Variants in AEBP1 observed in about 807,000 individuals in gnomAD.
The protein encoded by AEBP1 is AE binding protein 1, also known as adipocyte enhancer-binding protein 1.
AEBP1 carries 69 observed loss-of-function variants against 116.5 expected under a neutral mutation model. That is an observed-to-expected ratio of 0.59 (90% CI 0.49 to 0.72). The LOEUF is 0.72. AEBP1 is among the 30% of genes least tolerant of loss of function. AEBP1 has a pLI of 0.00. For synonymous variants in AEBP1, 627 were observed against 627.3 expected (o/e 1.00, Z 0.01); for missense variants, 1,444 against 1,557.5 (o/e 0.93, Z 1.23).
chr7:44,112,271 C>T lies in AEBP1; in HGVS notation c.2167C>T (p.Pro723Ser), dbSNP rs747502818. Residue 723 changes from proline to serine, a missense_variant, in exon 17 of 21, where the codon CCC becomes TCC. Transcript: ENST00000223357. The surrounding 1 kb of genome is among the most constrained non-coding windows in gnomAD (Gnocchi z 6.6). ...EERKWVPYRVPNNNLPIPERY... is the reference protein window; with the variant it reads ...EERKWVPYRVSNNNLPIPERY... Reference sequence around the variant, plus strand: ...GAGGAAATGGGTCCCCTACCGGGTCCCCAACAATAACTTGCCCATCCCTGA... The same window carrying T: ...GAGGAAATGGGTCCCCTACCGGGTCTCCAACAATAACTTGCCCATCCCTGA... 11 of 1,589,756 alleles carry T rather than the reference C, an allele frequency of 6.9e-6. 1 individual carries two copies. Among genetic ancestry groups the T allele is most frequent in the Non-Finnish European group, 8.6e-6 (10 of 1,165,188 alleles).
In AEBP1 at chr7:44,113,600, G is replaced by A; in HGVS notation, c.2816G>A (p.Gly939Asp). ...GATCGTTCTCCCTCCGCAGCCAGTG[G>A]TGGTGATTACTGGCGAATCTTGAAC... is the stretch of plus-strand genomic sequence containing the variant. ...GINHGVKTAS[G>D]GDYWRILNPG... The change falls in exon 21 of 21, where the codon GGT becomes GAT. Residue 939 changes from glycine to aspartate, a missense_variant. Coordinates refer to ENST00000223357, the MANE Select transcript of AEBP1 (RefSeq NM_001129.5). The surrounding 1 kb of genome is among the most constrained non-coding windows in gnomAD (Gnocchi z 5.3). 6.2e-7 allele frequency: 1 copy of A among 1,610,618 alleles called. No individual in the cohort carries two copies. Among genetic ancestry groups the A allele is most frequent in the Non-Finnish European group, 8.5e-7 (1 of 1,179,228 alleles).
Position 44,111,044 on chromosome 7 carries a change from G to GTGCT in AEBP1, c.1618_1621dup (p.Ser541LeufsTer14). On this transcript the variant is annotated frameshift_variant, in exon 13 of 21. Coordinates refer to ENST00000223357, the MANE Select transcript of AEBP1 (RefSeq NM_001129.5). LOFTEE classifies it high-confidence loss of function. This position sits in a 1 kb window ranked among gnomAD's most constrained non-coding sequence, Gnocchi z 4.7. The stretch of plus-strand genomic sequence containing the variant: ...TGTGCATGCGCCTGGAGGTGCTGGG[G>GTGCT]TGCTCTGTGGCCCGTGAGTGTGGAG... 1 of 1,611,116 alleles carries GTGCT rather than the reference G, an allele frequency of 6.2e-7. No individual in the cohort carries two copies. The highest frequency in any genetic ancestry group is 8.5e-7 in the Non-Finnish European group (1 of 1,178,090).
Position 44,107,521 on chromosome 7 carries a change from G to C in AEBP1, c.667+11G>C. ...GGGAGCACCAGCCTGGTGAGTGGCC[G>C]TCATCCGCCTGGCCTTGGGGCCAGC... On this transcript the variant is annotated intron_variant, in intron 3 of 20. Transcript: ENST00000223357. This position sits in a 1 kb window ranked among gnomAD's most constrained non-coding sequence, Gnocchi z 4.3. 5 of 1,613,418 alleles carry C rather than the reference G, an allele frequency of 3.1e-6. No homozygotes were observed. Among genetic ancestry groups the C allele is most frequent in the Non-Finnish European group, 4.2e-6 (5 of 1,179,936 alleles).
rs1343690549 is a variant in AEBP1, at chr7:44,111,616, G to C, written c.1826G>C (p.Gly609Ala). 1.2e-6 allele frequency: 2 copies of C among 1,613,050 alleles called. No individual in the cohort carries two copies. Among genetic ancestry groups the C allele is most frequent in the Admixed American group, 3.3e-5 (2 of 59,708 alleles). Residue 609 changes from glycine (G) to alanine (A), a missense_variant, in exon 15 of 21, where the codon GGG becomes GCG. Gly to Ala is a moderately conservative substitution (Grantham distance 60, BLOSUM62 0). Transcript: ENST00000223357. This position sits in a 1 kb window ranked among gnomAD's most constrained non-coding sequence, Gnocchi z 4.7. ...GCCATGGAGATCTCAGACAACCCTG[G>C]GGAGCATGAACTGGGTGAGGGTCTG... ...IYAMEISDNP[G>A]EHELGEPEFR...
At chr7:44,110,483 C>A (rs1347909303) in intron 11 of AEBP1, 137 bp downstream of exon 11, 11 of 1,303,050 alleles carry the variant, frequency 8.4e-6, no homozygotes, top group Non-Finnish European at 9.5e-6. Context: ...GAGGGACTCA[C>A]CCTGCCCATC....
chr7:44,104,952 G>C (rs530069122), intron 1 of AEBP1, 34 bp downstream of exon 1: 2 of 1,484,276 alleles, frequency 1.3e-6, no homozygotes, highest in African/African-American at 2.8e-5. Flanking sequence ...GGTGTGGGGG[G>C]CTGGCATCTC....
rs548303343 is a variant in AEBP1 at position 44,104,442 on chromosome 7, G to T, written c.-224G>T. The T allele has an allele frequency of 2.4e-4, 98 of 402,114 alleles. No individual in the cohort carries two copies. The East Asian group carries it at 3.5e-3, about 14-fold the overall frequency. The allele number at this position is 402,114 out of a possible 1,614,324, so 24.9% of individuals were successfully genotyped here. A position where few individuals can be genotyped will look rare whatever the true frequency, so the allele number is the denominator to read the frequency against. ...ACCTCGGAGCGCCCCGACCACCCCT[G>T]AGCCCCTCTGGCTTCGGAGCCCCCC... On this transcript the variant is annotated 5_prime_UTR_variant, in exon 1 of 21. Coordinates refer to ENST00000223357, the MANE Select transcript of AEBP1 (RefSeq NM_001129.5).
chr7:44,105,236 T>G (rs1229022821), intron 1 of AEBP1, among the ~76,000 whole-genome samples: 73 of 152,328 alleles, frequency 4.8e-4, no homozygotes, highest in Non-Finnish European at 1.5e-4. Context: ...CAGGGGACTG[T>G]GCTGTGTCAC....
Position 44,110,742 on chromosome 7 carries a change from C to T in AEBP1, c.1418C>T (p.Thr473Ile), listed in dbSNP as rs139397017. The change falls in exon 12 of 21, where the codon ACC (threonine) becomes ATC (isoleucine). Residue 473 changes from threonine (T) to isoleucine (I), a missense_variant. By Grantham distance (89) the Thr-to-Ile change is moderately conservative. Transcript: ENST00000223357. ...DSSIHDDFVTTFFVGFSNDSQ... is the reference protein window; with the variant it reads ...DSSIHDDFVTIFFVGFSNDSQ... ...CTCCACAGTGACGATTTTGTGACCA[C>T]CTTCTTCGTGGGCTTCAGCAATGAC... The T allele has an allele frequency of 6.6e-7, 1 of 1,524,332 alleles. No individual in the cohort carries two copies. The highest frequency in any genetic ancestry group is 8.8e-7 in the Non-Finnish European group (1 of 1,135,170). The allele number at this position is 1,524,332 out of a possible 1,614,324, so 94.4% of individuals were successfully genotyped here. A position where few individuals can be genotyped will look rare whatever the true frequency, so the allele number is the denominator to read the frequency against.
Position 44,107,836 on chromosome 7 carries a change from C to A in AEBP1, c.767C>A (p.Pro256His). The A allele has an allele frequency of 1.2e-6, 2 of 1,611,482 alleles. No homozygotes were observed. Among genetic ancestry groups the A allele is most frequent in the Non-Finnish European group, 1.7e-6 (2 of 1,179,370 alleles). ...GAGTACATTCGGCGCCAGAAGCAAC[C>A]CAGGCCACCCCCAAGCAGAAGGAGG... ...DFEYIRRQKQ[P>H]RPPPSRRRRP... Residue 256 changes from proline to histidine, a missense_variant, in exon 5 of 21, where the codon CCC becomes CAC. Physicochemically the swap from Pro to His is moderately conservative, Grantham distance 77. Transcript: ENST00000223357. The surrounding 1 kb of genome is among the most constrained non-coding windows in gnomAD (Gnocchi z 4.3).
rs1172223957 is a variant in AEBP1 at position 44,108,290 on chromosome 7, T to A, written c.940+206T>A. Among the ~76,000 whole-genome samples, 1 of 152,072 alleles carries A rather than the reference T, an allele frequency of 6.6e-6. No homozygotes were observed. Among genetic ancestry groups the A allele is most frequent in the Admixed American group, 6.5e-5 (1 of 15,284 alleles). ...CTCAGGCTGGTCTTTCCTTGGCCGC[T>A]TCCCTGGTTCCTGCTTGGCTGTGAC... On this transcript the variant is annotated intron_variant, in intron 6 of 20. Coordinates refer to ENST00000223357, the MANE Select transcript of AEBP1 (RefSeq NM_001129.5). The surrounding 1 kb of genome is among the most constrained non-coding windows in gnomAD (Gnocchi z 5.0).
intron 1 of AEBP1, chr7:44,106,241 G>A (rs1271670757): frequency 1.8e-6 from 1 of 563,528 alleles, no homozygotes; most frequent in South Asian, 1.5e-5. Context: ...GGAGTGGATA[G>A]TAAGGAACCC....
In AEBP1 at chr7:44,112,818, G is replaced by C. The variant is rs767212365; in HGVS notation, c.2478G>C (p.Leu826Phe). 6.2e-7 allele frequency: 1 copy of C among 1,612,288 alleles called. No individual in the cohort carries two copies. The highest frequency in any genetic ancestry group is 1.1e-5 in the South Asian group (1 of 91,074). ...AISFASAHLT[L>F]TEPYRGGCQA... is the part of the protein sequence containing the mutation. Reference sequence around the variant, plus strand: ...CCTTCGCCTCCGCACACCTCACCTTGACCGAGCCCTACCGCGGAGGCTGCC... The same window carrying C: ...CCTTCGCCTCCGCACACCTCACCTTCACCGAGCCCTACCGCGGAGGCTGCC... The change falls in exon 18 of 21, where the codon TTG (leucine) becomes TTC (phenylalanine). Residue 826 changes from leucine (L) to phenylalanine (F), a missense_variant. Physicochemically the swap from Leu to Phe is conservative, Grantham distance 22. Coordinates refer to ENST00000223357, the MANE Select transcript of AEBP1 (RefSeq NM_001129.5). This position sits in a 1 kb window ranked among gnomAD's most constrained non-coding sequence, Gnocchi z 6.6.
Position 44,114,045 on chromosome 7 carries a change from A to G in AEBP1, c.3261A>G (p.Thr1087=). The part of the protein sequence containing the change: ...GWEESETETY[T]EVVTEFGTEV... Reference sequence around the variant, plus strand: ...AGGAGTCGGAGACTGAGACCTACACAGAGGTGGTGACAGAGTTTGGGACCG... The same window carrying G: ...AGGAGTCGGAGACTGAGACCTACACGGAGGTGGTGACAGAGTTTGGGACCG... Residue 1087 remains threonine, a synonymous_variant, in exon 21 of 21, where the codon ACA becomes ACG. Transcript: ENST00000223357. The G allele has an allele frequency of 6.2e-7, 1 of 1,614,108 alleles. No homozygotes were observed. Among genetic ancestry groups the G allele is most frequent in the Non-Finnish European group, 8.5e-7 (1 of 1,180,014 alleles).
chr7:44,104,815 G>A lies in AEBP1; in HGVS notation c.150G>A (p.Arg50=), dbSNP rs1287278787. 6.2e-7 allele frequency: 1 copy of A among 1,605,284 alleles called. No individual in the cohort carries two copies. The highest frequency in any genetic ancestry group is 1.7e-5 in the Admixed American group (1 of 59,234). Residue 50 remains arginine, a synonymous_variant, in exon 1 of 21, where the codon CGG becomes CGA. Transcript: ENST00000223357. ...TGTCAGAGCTAGAACCTGAGCCCCG[G>A]GAGGACGACGTGGAGGCCCCGCCGC... ...GFLSELEPEP[R]EDDVEAPPPP...
In AEBP1 at chr7:44,111,405, A is replaced by C. The variant is rs546006141; in HGVS notation, c.1717-102A>C. ...TACCTGGGGGCTGCGTGAAGGGGTC[A>C]TGCCCGTCCCTCGCCATAGAGCAGG... is the stretch of plus-strand genomic sequence containing the variant. On this transcript the variant is annotated intron_variant, in intron 14 of 20. Transcript: ENST00000223357. The surrounding 1 kb of genome is among the most constrained non-coding windows in gnomAD (Gnocchi z 4.7). 4.2e-3 allele frequency: 6,161 copies of C among 1,462,050 alleles called. 21 individuals carry two copies. Among genetic ancestry groups the C allele is most frequent in the Non-Finnish European group, 5.3e-3 (5,830 of 1,101,632 alleles). 90.6% of individuals were successfully genotyped at this position (1,462,050 alleles called of 1,614,324 possible).
At position 44,107,842 on chromosome 7, in the gene AEBP1, C is replaced by T; in HGVS notation, c.773C>T (p.Pro258Leu). ...ATTCGGCGCCAGAAGCAACCCAGGC[C>T]ACCCCCAAGCAGAAGGAGGAGGCCC... ...EYIRRQKQPRPPPSRRRRPER... is the reference protein window; with the variant it reads ...EYIRRQKQPRLPPSRRRRPER... Residue 258 changes from proline (P) to leucine (L), a missense_variant, in exon 5 of 21, where the codon CCA becomes CTA. Coordinates refer to ENST00000223357, the MANE Select transcript of AEBP1 (RefSeq NM_001129.5). The surrounding 1 kb of genome is among the most constrained non-coding windows in gnomAD (Gnocchi z 4.3). 1 of 1,611,206 alleles carries T rather than the reference C, an allele frequency of 6.2e-7. No individual in the cohort carries two copies. Among genetic ancestry groups the T allele is most frequent in the Non-Finnish European group, 8.5e-7 (1 of 1,179,322 alleles).
In AEBP1 at chr7:44,108,559, G is replaced by A. The variant is rs1473763934; in HGVS notation, c.941-340G>A. ...TTTCCCTGCCCCCAGGTCCCCATCA[G>A]TGCCTCCAATGTCTCCCCATCTCAC... On this transcript the variant is annotated intron_variant, in intron 6 of 20. Coordinates refer to ENST00000223357, the MANE Select transcript of AEBP1 (RefSeq NM_001129.5). The surrounding 1 kb of genome is among the most constrained non-coding windows in gnomAD (Gnocchi z 5.0). 6.6e-6 allele frequency among the ~76,000 whole-genome samples: 1 copy of A among 152,024 alleles called. No individual in the cohort carries two copies. Among genetic ancestry groups the A allele is most frequent in the African/African-American group, 2.4e-5 (1 of 41,382 alleles).
At position 44,104,627 on chromosome 7, in the gene AEBP1, C is replaced by A; in HGVS notation, c.-39C>A. The A allele has an allele frequency of 7.2e-7, 1 of 1,392,626 alleles. No homozygotes were observed. The highest frequency in any genetic ancestry group is 1.6e-5 in the South Asian group (1 of 62,102). The allele number at this position is 1,392,626 out of a possible 1,614,324, so 86.3% of individuals were successfully genotyped here. A position where few individuals can be genotyped will look rare whatever the true frequency, so the allele number is the denominator to read the frequency against. On this transcript the variant is annotated 5_prime_UTR_variant, in exon 1 of 21. Transcript: ENST00000223357. ...CCCAGAGACCCAGAGCCCCTGACCC[C>A]CCGCGCCCTCCCCGGAGCCCCCCGC...
Sources: gnomAD v4.1 joint callset for allele counts (sites outside exome capture counted in the v4.1 genomes callset) on GRCh38, gnomAD v4.1.1 for gene constraint, Gnocchi (gnomAD v3.1) non-coding constraint, MANE v1.5 for transcripts, NCBI Gene and HGNC (gene_info 2026-07-23, HGNC 2026-07-21) for gene names.